ADARB2: variants seen among roughly 807,000 people sequenced by gnomAD.
The protein encoded by ADARB2 is adenosine deaminase RNA specific B2 (inactive).
ADARB2 carries 25 observed loss-of-function variants against 62.2 expected under a neutral mutation model. The ratio of observed to expected loss-of-function variants is 0.40; its 90% CI spans 0.29 to 0.56. The LOEUF (loss-of-function observed/expected upper bound fraction) is 0.56. Ranked by LOEUF, ADARB2 falls within the 20% of genes least tolerant of loss-of-function variation. The probability of loss-of-function intolerance (pLI) is 0.43; values close to 1 mark genes in which losing one functional copy is unlikely to be tolerated. For synonymous variants in ADARB2, 572 were observed against 500.8 expected, an observed-to-expected ratio of 1.14 and a Z score of -1.90; for missense variants, 1,071 against 1,077.4, an observed-to-expected ratio of 0.99 and a Z score of 0.08.
chr10:1,382,723 C>G (rs1397912321), intron 1 of ADARB2, among the ~76,000 whole-genome samples: 2 of 121,576 alleles, frequency 1.6e-5, no homozygotes, highest in Non-Finnish European at 3.5e-5. Flanking sequence ...TTTTTTTTTG[C>G]CTCAGTTCTG....
intron 8 of ADARB2, among the ~76,000 whole-genome samples, chr10:1,187,245 C>T (rs1016344942): frequency 1.3e-5 from 2 of 152,230 alleles, no homozygotes; most frequent in Non-Finnish European, 2.9e-5. Flanking sequence ...AGGCAGGGGC[C>T]GCCTGGGCAG....
chr10:1,657,312 C>G (rs900412682), intron 1 of ADARB2, among the ~76,000 whole-genome samples: 1 of 152,270 alleles, frequency 6.6e-6, no homozygotes, highest in Non-Finnish European at 1.5e-5. Flanking sequence ...TAATGGCTTG[C>G]TCATTGCACA....
At chr10:1,268,257 AGAGTGAAGGG>A (rs1306487730) in intron 4 of ADARB2, among the ~76,000 whole-genome samples, 1 of 152,206 alleles carries the variant, frequency 6.6e-6, no homozygotes, top group East Asian at 1.9e-4. Flanking sequence ...GTGGCTTCTG[AGAGTGAAGGG>A]GAGTGAGGGG....
At chr10:1,628,746 AAAG>A (rs1264168909) in intron 1 of ADARB2, among the ~76,000 whole-genome samples, 1 of 152,262 alleles carries the variant, frequency 6.6e-6, no homozygotes, top group African/African-American at 2.4e-5. Flanking sequence ...GGAGAAATAC[AAAG>A]ACTTTCCTGG....
At chr10:1,691,049 C>T (rs1834666280) in intron 1 of ADARB2, among the ~76,000 whole-genome samples, 2 of 152,334 alleles carry the variant, frequency 1.3e-5, no homozygotes, top group South Asian at 2.1e-4. Context: ...CCCAAATTCC[C>T]ATGCTGAATC....
chr10:1,537,522 T>C (rs984367708), intron 1 of ADARB2, among the ~76,000 whole-genome samples: 2 of 152,254 alleles, frequency 1.3e-5, no homozygotes, highest in South Asian at 2.1e-4. Flanking sequence ...CGTATGTTTA[T>C]TGCAGCACTG....
At chr10:1,390,699 C>T (rs533916534) in intron 1 of ADARB2, among the ~76,000 whole-genome samples, 1 of 152,286 alleles carries the variant, frequency 6.6e-6, no homozygotes, top group Middle Eastern at 3.4e-3. Context: ...TATTAAAAAG[C>T]CTTAGACATT....
At chr10:1,528,584 G>A (rs530892110) in intron 1 of ADARB2, among the ~76,000 whole-genome samples, 4 of 152,182 alleles carry the variant, frequency 2.6e-5, no homozygotes, top group Admixed American at 2.6e-4. Flanking sequence ...TCCCAGCAGC[G>A]CCCGGTGTGA....
rs182817965 is a variant in ADARB2, at chr10:1,247,969, G to T, written c.1193-5670C>A. Reference sequence around the variant, plus strand: ...ATTGCTGGGATGGGGGTGAGGCCATGCCAAGCCGTATGGACACCAAAAATG... The same window carrying T: ...ATTGCTGGGATGGGGGTGAGGCCATTCCAAGCCGTATGGACACCAAAAATG... On this transcript the variant is annotated intron_variant, in intron 4 of 9. Coordinates refer to ENST00000381312, the MANE Select transcript of ADARB2 (RefSeq NM_018702.4). Among the ~76,000 whole-genome samples, 377 of 152,304 alleles carry T rather than the reference G, an allele frequency of 2.5e-3. 1 individual carries two copies. Among genetic ancestry groups the T allele is most frequent in the African/African-American group, 8.7e-3 (360 of 41,566 alleles).
At chr10:1,404,934 CT>C (rs1832694659) in intron 1 of ADARB2, among the ~76,000 whole-genome samples, 1 of 152,230 alleles carries the variant, frequency 6.6e-6, no homozygotes, top group Non-Finnish European at 1.5e-5. Context: ...GGACACGCAG[CT>C]TGTTAAAGCA....
intron 4 of ADARB2, among the ~76,000 whole-genome samples, chr10:1,267,101 A>G (rs1426815206): frequency 6.6e-6 from 1 of 151,590 alleles, no homozygotes; most frequent in Non-Finnish European, 1.5e-5. Context: ...AGAGAAGTGA[A>G]TGGCTCACAC....
chr10:1,430,733 C>A (rs528891518), intron 1 of ADARB2, among the ~76,000 whole-genome samples: 1 of 144,734 alleles, frequency 6.9e-6, no homozygotes, highest in Admixed American at 7.3e-5. Context: ...GAGTGAGACT[C>A]CGTCTCAAAA....
chr10:1,406,198 C>T (rs760402082), intron 1 of ADARB2, among the ~76,000 whole-genome samples: 2 of 152,222 alleles, frequency 1.3e-5, no homozygotes, highest in Non-Finnish European at 2.9e-5. Context: ...TGCAATGTCA[C>T]CCTGGCCCTC....
At chr10:1,185,855 G>T (rs1228379430) in intron 8 of ADARB2, among the ~76,000 whole-genome samples, 1 of 152,238 alleles carries the variant, frequency 6.6e-6, no homozygotes, top group Non-Finnish European at 1.5e-5. Context: ...CCAGCTCACA[G>T]TGCAGAAGGG....
At chr10:1,627,323 A>G (rs1284027946) in intron 1 of ADARB2, among the ~76,000 whole-genome samples, 2 of 152,154 alleles carry the variant, frequency 1.3e-5, no homozygotes, top group South Asian at 2.1e-4. Flanking sequence ...CCATCTGTGC[A>G]TGCAAGATCG....
chr10:1,672,115 C>G (rs1564363835), intron 1 of ADARB2, among the ~76,000 whole-genome samples: 1 of 151,054 alleles, frequency 6.6e-6, no homozygotes, highest in Non-Finnish European at 1.5e-5. Context: ...AGCCCTACCC[C>G]ATCCCCGAGA....
chr10:1,476,947 T>C (rs1044381042), intron 1 of ADARB2, among the ~76,000 whole-genome samples: 2 of 152,148 alleles, frequency 1.3e-5, no homozygotes, highest in Admixed American at 6.5e-5. Context: ...AGGGACTTCC[T>C]TTCTTAACAA....
chr10:1,355,145 A>G (rs1832182883), intron 3 of ADARB2, among the ~76,000 whole-genome samples: 1 of 152,194 alleles, frequency 6.6e-6, no homozygotes, highest in African/African-American at 2.4e-5. Context: ...CAGTCTTTCA[A>G]TCAACTCTTC....
chr10:1,729,892 G>A (rs1835211257), intron 1 of ADARB2, among the ~76,000 whole-genome samples: 1 of 152,352 alleles, frequency 6.6e-6, no homozygotes, highest in East Asian at 1.9e-4. Flanking sequence ...GGGAAATGAT[G>A]AGGCAGAGCT....
Sources: gnomAD v4.1 joint callset for allele counts (sites outside exome capture counted in the v4.1 genomes callset) on GRCh38, gnomAD v4.1.1 for gene constraint, MANE v1.5 for transcripts, NCBI Gene and HGNC (gene_info 2026-07-23, HGNC 2026-07-21) for gene names.